Variants in HS6ST3 observed in about 807,000 individuals in gnomAD.
HS6ST3 encodes the protein heparan sulfate 6-O-sulfotransferase 3.
A neutral mutation model predicts 36.7 loss-of-function variants in HS6ST3; 12 were observed. The observed-to-expected ratio is 0.33, with a 90% confidence interval of 0.21 to 0.53. The LOEUF (loss-of-function observed/expected upper bound fraction) is 0.53, where lower values mean the gene tolerates loss of function less well. Ranked by LOEUF, HS6ST3 falls within the 20% of genes least tolerant of loss-of-function variation. The pLI, the probability that HS6ST3 is intolerant of heterozygous loss-of-function variation, is 0.95. For synonymous variants in HS6ST3, 240 were observed against 257.5 expected, an observed-to-expected ratio of 0.93 and a Z score of 0.65; for missense variants, 584 against 640.9, an observed-to-expected ratio of 0.91 and a Z score of 0.96.
chr13:96,171,110 C>T (rs1399927472), intron 1 of HS6ST3, among the ~76,000 whole-genome samples: 1 of 152,116 alleles, frequency 6.6e-6, no homozygotes, highest in Non-Finnish European at 1.5e-5. Context: ...ACCACAAAAT[C>T]CCATAATTTT....
chr13:96,615,274 G>A (rs1237803420), intron 1 of HS6ST3, among the ~76,000 whole-genome samples: 1 of 152,174 alleles, frequency 6.6e-6, no homozygotes, highest in East Asian at 1.9e-4. Flanking sequence ...ATAGTTCTGT[G>A]AATTAGACAA....
rs1878849779 is a variant in HS6ST3, at chr13:96,833,219, C to G, written c.*21C>G. 6.7e-7 allele frequency: 1 copy of G among 1,484,382 alleles called. No homozygotes were observed. The highest frequency in any genetic ancestry group is 8.9e-7 in the Non-Finnish European group (1 of 1,118,492). The allele number at this position is 1,484,382 out of a possible 1,614,324, so 92.0% of individuals were successfully genotyped here. A position where few individuals can be genotyped will look rare whatever the true frequency, so the allele number is the denominator to read the frequency against. ...GGTGACCTCCTGCCCTCTCCTCTCT[C>G]AGGAGGGGGAGGGTGAGCAGGCACA... On this transcript the variant is annotated 3_prime_UTR_variant, in exon 2 of 2. Transcript: ENST00000376705.
intron 1 of HS6ST3, among the ~76,000 whole-genome samples, chr13:96,450,905 G>A (rs200516437): frequency 6.6e-6 from 1 of 152,070 alleles, no homozygotes; most frequent in Non-Finnish European, 1.5e-5. Flanking sequence ...GCTGTGGCTT[G>A]TGAAGTCCTA....
chr13:96,269,719 A>G (rs961165008), intron 1 of HS6ST3, among the ~76,000 whole-genome samples: 1 of 152,008 alleles, frequency 6.6e-6, no homozygotes, highest in African/African-American at 2.4e-5. Flanking sequence ...ATTATTTGAT[A>G]TGTGAAGCAC....
chr13:96,252,449 A>G (rs547521888), intron 1 of HS6ST3, among the ~76,000 whole-genome samples: 3 of 152,090 alleles, frequency 2.0e-5, no homozygotes, highest in Non-Finnish European at 2.9e-5. Flanking sequence ...GTTCCCTCCA[A>G]TGGAGCAAGT....
intron 1 of HS6ST3, among the ~76,000 whole-genome samples, chr13:96,688,330 A>C (rs2784793): frequency 0.99 from 149,694 of 151,964 alleles, 73,767 homozygotes; most frequent in Middle Eastern, 1. Context: ...GGGAGCGTGG[A>C]TGAATGCTGT....
chr13:96,132,202 T>G (rs1354178404), intron 1 of HS6ST3, among the ~76,000 whole-genome samples: 5 of 150,648 alleles, frequency 3.3e-5, no homozygotes, highest in Admixed American at 3.3e-4. Context: ...ATTCATCTGT[T>G]GATAGACATG....
At chr13:96,322,818 C>T (rs956543482) in intron 1 of HS6ST3, among the ~76,000 whole-genome samples, 22 of 152,282 alleles carry the variant, frequency 1.4e-4, no homozygotes, top group African/African-American at 5.3e-4. Context: ...CCATTGATGG[C>T]CTACATGTAG....
intron 1 of HS6ST3, among the ~76,000 whole-genome samples, chr13:96,496,795 A>G (rs1350874245): frequency 1.3e-5 from 2 of 152,210 alleles, no homozygotes; most frequent in African/African-American, 2.4e-5. Flanking sequence ...ACACAGCAAC[A>G]GACTATTGAA....
intron 1 of HS6ST3, among the ~76,000 whole-genome samples, chr13:96,418,645 C>T (rs1442853587): frequency 6.6e-6 from 1 of 152,146 alleles, no homozygotes. Context: ...CTTCAATCAG[C>T]CACCATGCCT....
intron 1 of HS6ST3, among the ~76,000 whole-genome samples, chr13:96,675,492 T>A (rs2056696257): frequency 6.6e-6 from 1 of 152,140 alleles, no homozygotes; most frequent in African/African-American, 2.4e-5. Flanking sequence ...TTTGGGTTAT[T>A]TCATTGAGTG....
At chr13:96,280,240 T>G (rs1391634941) in intron 1 of HS6ST3, among the ~76,000 whole-genome samples, 2 of 152,218 alleles carry the variant, frequency 1.3e-5, no homozygotes, top group Non-Finnish European at 2.9e-5. Context: ...GAAATATTTT[T>G]TCTTCAAGAA....
At chr13:96,381,958 G>T (rs1404458756) in intron 1 of HS6ST3, among the ~76,000 whole-genome samples, 1 of 152,112 alleles carries the variant, frequency 6.6e-6, no homozygotes, top group African/African-American at 2.4e-5. Flanking sequence ...CTGCATTAAG[G>T]AACATTTTGA....
At chr13:96,142,462 A>G (rs2054036633) in intron 1 of HS6ST3, among the ~76,000 whole-genome samples, 1 of 152,194 alleles carries the variant, frequency 6.6e-6, no homozygotes, top group South Asian at 2.1e-4. Context: ...AGAATCTGGT[A>G]CCGAGTCAGT....
chr13:96,512,843 T>C (rs138350650), intron 1 of HS6ST3, among the ~76,000 whole-genome samples: 2 of 152,236 alleles, frequency 1.3e-5, no homozygotes, highest in African/African-American at 4.8e-5. Flanking sequence ...GGTTGTTTTT[T>C]TCTTCCTCTC....
chr13:96,202,700 C>G (rs1278409470), intron 1 of HS6ST3, among the ~76,000 whole-genome samples: 1 of 152,170 alleles, frequency 6.6e-6, no homozygotes, highest in Non-Finnish European at 1.5e-5. Flanking sequence ...TTTCACCTCT[C>G]AAAATTTTAG....
At chr13:96,446,268 A>T (rs1281064775) in intron 1 of HS6ST3, among the ~76,000 whole-genome samples, 5 of 152,238 alleles carry the variant, frequency 3.3e-5, no homozygotes, top group Admixed American at 3.3e-4. Context: ...TTTTATAAAA[A>T]GTTGAGTTCC....
chr13:96,691,977 C>T (rs1267445317), intron 1 of HS6ST3, among the ~76,000 whole-genome samples: 1 of 152,022 alleles, frequency 6.6e-6, no homozygotes, highest in Non-Finnish European at 1.5e-5. Context: ...TGAGCCTAAG[C>T]CTAAATACAG....
intron 1 of HS6ST3, among the ~76,000 whole-genome samples, chr13:96,680,505 C>T (rs943845729): frequency 6.6e-6 from 1 of 152,032 alleles, no homozygotes; most frequent in Non-Finnish European, 1.5e-5. Flanking sequence ...GCACTCCAAT[C>T]GGGGGTTAGA....
Sources: allele counts gnomAD v4.1 joint callset (sites outside exome capture counted in the v4.1 genomes callset), GRCh38; gene constraint gnomAD v4.1.1; transcripts MANE v1.5; gene names NCBI Gene and HGNC (gene_info 2026-07-23, HGNC 2026-07-21).